Variants in CSMD1 observed in about 807,000 individuals in gnomAD.
The protein encoded by CSMD1 is CUB and sushi domain-containing protein 1.
A neutral mutation model predicts 417.5 loss-of-function variants in CSMD1; 213 were observed. That is an observed-to-expected ratio of 0.51 (90% CI 0.46 to 0.57). The LOEUF (loss-of-function observed/expected upper bound fraction) is 0.57, where lower values mean the gene tolerates loss of function less well. Among genes scored for constraint, CSMD1 ranks in the 20% least tolerant of loss-of-function variants. CSMD1 has a pLI of 0.00. For missense variants in CSMD1, 6,923 were observed against 4,529.7 expected (o/e 1.53, Z -15.17); for synonymous variants, 2,862 against 1,736.8 (o/e 1.65, Z -16.11).
chr8:3,075,824 A>G (rs1438451547), intron 49 of CSMD1, among the ~76,000 whole-genome samples: 1 of 151,342 alleles, frequency 6.6e-6, no homozygotes, highest in Non-Finnish European at 1.5e-5. Flanking sequence ...GGTGGATCAC[A>G]AGGTCAGGAG....
chr8:4,949,184 T>C (rs191906121), intron 1 of CSMD1, among the ~76,000 whole-genome samples: 6 of 152,298 alleles, frequency 3.9e-5, no homozygotes, highest in East Asian at 3.9e-4. Context: ...CATGTTATAA[T>C]ATTGTCTTAA....
intron 10 of CSMD1, among the ~76,000 whole-genome samples, chr8:3,548,169 G>C (rs1171281529): frequency 6.6e-6 from 1 of 152,102 alleles, no homozygotes; most frequent in Non-Finnish European, 1.5e-5. Context: ...TGTTATGGGG[G>C]GTTCCTGCAA....
chr8:4,101,326 A>C (rs1801294217), intron 3 of CSMD1, among the ~76,000 whole-genome samples: 1 of 152,200 alleles, frequency 6.6e-6, no homozygotes, highest in Admixed American at 6.5e-5. Context: ...CTGTGGAAGG[A>C]AAGACAGTGC....
At chr8:4,694,554 G>A (rs987123456) in intron 1 of CSMD1, among the ~76,000 whole-genome samples, 1 of 151,592 alleles carries the variant, frequency 6.6e-6, no homozygotes, top group Non-Finnish European at 1.5e-5. Flanking sequence ...TAGTAGAGAC[G>A]GGGTTTCACC....
Position 2,938,448 on chromosome 8 carries a change from A to T in CSMD1, c.*137T>A. 4 of 788,110 alleles carry T rather than the reference A, an allele frequency of 5.1e-6. No homozygotes were observed. The East Asian group carries it at 1.1e-4, about 22-fold the overall frequency. The allele number at this position is 788,110 out of a possible 1,614,324, so 48.8% of individuals were successfully genotyped here. ...ACATTTGAGTAGAGATCCCCGCTGC[A>T]CTTATGCCAGTAGACAAGGTTGAAG... is the stretch of plus-strand genomic sequence containing the variant. On this transcript the variant is annotated 3_prime_UTR_variant, in exon 70 of 70. Transcript: ENST00000635120.
In CSMD1 at chr8:4,092,446, T is replaced by C. The variant is rs1800770403; in HGVS notation, c.416-60347A>G. Among the ~76,000 whole-genome samples the C allele has an allele frequency of 2.0e-5, 3 of 152,302 alleles. No homozygotes were observed. In the South Asian group the frequency reaches 6.2e-4, roughly 32 times the overall value. On this transcript the variant is annotated intron_variant, in intron 3 of 69. Coordinates refer to ENST00000635120, the MANE Select transcript of CSMD1 (RefSeq NM_033225.6). ...ATATTATGAGACTATATTATGACCA[T>C]ATTATGACACTCTTATCTTTGGTAA... is the stretch of plus-strand genomic sequence containing the variant.
intron 5 of CSMD1, among the ~76,000 whole-genome samples, chr8:3,789,578 T>C (rs1317415129): frequency 6.6e-6 from 1 of 151,824 alleles, no homozygotes; most frequent in Non-Finnish European, 1.5e-5. Context: ...ACTTGCTAAA[T>C]AAAGCTTATA....
chr8:4,006,750 T>C (rs1816146506), intron 4 of CSMD1, among the ~76,000 whole-genome samples: 1 of 151,654 alleles, frequency 6.6e-6, no homozygotes, highest in Admixed American at 6.6e-5. Flanking sequence ...CAGAAGGAAC[T>C]CACCACTATT....
chr8:3,241,987 G>A (rs891709720), intron 26 of CSMD1, among the ~76,000 whole-genome samples: 3 of 102,138 alleles, frequency 2.9e-5, no homozygotes, highest in Non-Finnish European at 6.6e-5. Flanking sequence ...GACCTTTTAG[G>A]GTCTAGGGCT....
intron 3 of CSMD1, among the ~76,000 whole-genome samples, chr8:4,101,992 G>C (rs894528685): frequency 3.9e-5 from 6 of 152,080 alleles, no homozygotes; most frequent in Non-Finnish European, 7.4e-5. Context: ...TGGGGACTGG[G>C]GACCCGGCAA....
chr8:3,242,188 T>G (rs1204160642), intron 26 of CSMD1, among the ~76,000 whole-genome samples: 14 of 151,950 alleles, frequency 9.2e-5, no homozygotes, highest in Non-Finnish European at 1.5e-5. Flanking sequence ...AGTCCCAGAA[T>G]GAAACAGTAA....
intron 3 of CSMD1, among the ~76,000 whole-genome samples, chr8:4,032,645 C>G (rs1400915609): frequency 6.6e-6 from 1 of 152,148 alleles, no homozygotes. Context: ...ATGCATTGAT[C>G]CATCAATGTA....
intron 3 of CSMD1, among the ~76,000 whole-genome samples, chr8:4,406,785 C>G (rs542096294): frequency 4.7e-4 from 71 of 152,272 alleles, no homozygotes; most frequent in African/African-American, 1.6e-3. Flanking sequence ...ACTCCTGAGT[C>G]ATCTGGTGTT....
intron 1 of CSMD1, among the ~76,000 whole-genome samples, chr8:4,696,619 C>A (rs1041379112): frequency 6.6e-6 from 1 of 152,150 alleles, no homozygotes; most frequent in African/African-American, 2.4e-5. Flanking sequence ...ATTATCCAAA[C>A]AACGTATTTC....
intron 3 of CSMD1, among the ~76,000 whole-genome samples, chr8:4,413,260 T>C (rs1036625856): frequency 6.6e-6 from 1 of 152,196 alleles, no homozygotes; most frequent in Non-Finnish European, 1.5e-5. Flanking sequence ...AGCTTTCCTT[T>C]CCTTGAGGCT....
chr8:4,322,292 T>G (rs1322141489), intron 3 of CSMD1, among the ~76,000 whole-genome samples: 1 of 152,010 alleles, frequency 6.6e-6, no homozygotes, highest in Non-Finnish European at 1.5e-5. Flanking sequence ...TGAATTCAAT[T>G]TCATGTTATC....
intron 3 of CSMD1, among the ~76,000 whole-genome samples, chr8:4,247,878 A>T (rs1216682865): frequency 6.6e-6 from 1 of 152,116 alleles, no homozygotes; most frequent in Non-Finnish European, 1.5e-5. Flanking sequence ...CAATGTACAA[A>T]TTTTTCTTGA....
At position 2,950,285 on chromosome 8, in the gene CSMD1, C is replaced by G; in HGVS notation, c.10260G>C (p.Gln3420His). The stretch of plus-strand genomic sequence containing the variant: ...CGAACTTGCTTACAAAAATATCTGC[C>G]TGGCCTTTAATTTGAAAAGCTTTCA... ...LLLKAFQIKG[Q>H]ADIFVSKFEN... Residue 3420 changes from glutamine to histidine, a missense_variant, in exon 67 of 70, where the codon CAG (glutamine) becomes CAC (histidine). Physicochemically the swap from Gln to His is conservative, Grantham distance 24 (BLOSUM62 0). Coordinates refer to ENST00000635120, the MANE Select transcript of CSMD1 (RefSeq NM_033225.6). 6.2e-7 allele frequency: 1 copy of G among 1,613,514 alleles called. No homozygotes were observed. The highest frequency in any genetic ancestry group is 8.5e-7 in the Non-Finnish European group (1 of 1,179,486).
chr8:3,419,573 G>A (rs923170249), intron 12 of CSMD1, among the ~76,000 whole-genome samples: 2 of 152,084 alleles, frequency 1.3e-5, no homozygotes, highest in Admixed American at 1.3e-4. Context: ...AGGAAATTCT[G>A]AAACCTGGAA....
Sources: gnomAD v4.1 joint callset for allele counts (sites outside exome capture counted in the v4.1 genomes callset) on GRCh38, gnomAD v4.1.1 for gene constraint, MANE v1.5 for transcripts, NCBI Gene and HGNC (gene_info 2026-07-23, HGNC 2026-07-21) for gene names.